The following DSG4 variants were observed in gnomAD, a reference collection of about 807,000 sequenced individuals.
The protein encoded by DSG4 is desmoglein-4.
In DSG4, 87 loss-of-function variants were observed where a neutral mutation model predicts 93.1. That is an observed-to-expected ratio of 0.93 (90% CI 0.79 to 1.12). DSG4 has a LOEUF of 1.12. Among genes scored for constraint, DSG4 ranks in the 50% most tolerant of loss-of-function variants. The pLI, the probability that DSG4 is intolerant of heterozygous loss-of-function variation, is 0.00. For missense variants in DSG4, 1,373 were observed against 1,285.7 expected (o/e 1.07, Z -1.04); for synonymous variants, 432 against 452.9 (o/e 0.95, Z 0.59).
rs759732499 is a variant in DSG4 at position 31,406,417 on chromosome 18, T to C, written c.1933+44T>C. The C allele has an allele frequency of 5.6e-6, 9 of 1,612,124 alleles. No homozygotes were observed. The Admixed American group carries it at 1.5e-4, about 27-fold the overall frequency. ...CCTTCTTTTCAATAGTTCTTCAAAA[T>C]AGGGCTGTTACGAGGCTCGCTGGGA... On this transcript the variant is annotated intron_variant, in intron 12 of 15. Coordinates refer to ENST00000308128, the MANE Select transcript of DSG4 (RefSeq NM_177986.5).
chr18:31,392,420 C>A (rs2072260555), intron 8 of DSG4, 80 bp downstream of exon 8: 3 of 1,465,342 alleles, frequency 2.0e-6, no homozygotes, highest in Middle Eastern at 1.9e-4. Flanking sequence ...GAGACAGAAT[C>A]TGCCTTTAAA....
intron 9 of DSG4, among the ~76,000 whole-genome samples, chr18:31,399,768 G>A (rs1257320451): frequency 6.6e-6 from 1 of 152,208 alleles, no homozygotes; most frequent in Non-Finnish European, 1.5e-5. Context: ...TGTGTCCAGT[G>A]AGTAATTGTA....
chr18:31,406,307 G>A lies in DSG4; in HGVS notation c.1867G>A (p.Val623Ile), dbSNP rs895444838. The A allele has an allele frequency of 6.2e-7, 1 of 1,614,230 alleles. No homozygotes were observed. The highest frequency in any genetic ancestry group is 1.7e-5 in the Admixed American group (1 of 60,024). The part of the protein sequence containing the change: ...YGPVTEDQAG[V>I]SNVGLGPAGI... ...GCCTGTCACTGAAGACCAAGCTGGA[G>A]TTTCAAATGTTGGTCTTGGACCAGC... Residue 623 changes from valine to isoleucine, a missense_variant, in exon 12 of 16, where the codon GTT (valine) becomes ATT (isoleucine). Transcript: ENST00000308128.
chr18:31,394,706 T>C, intron 8 of DSG4, among the ~76,000 whole-genome samples: 1 of 148,456 alleles, frequency 6.7e-6, no homozygotes, highest in Admixed American at 6.7e-5. Context: ...GGAATGGGTA[T>C]AGGAGACATT....
chr18:31,391,669 A>AAC (rs922636810), intron 7 of DSG4, among the ~76,000 whole-genome samples: 1 of 151,746 alleles, frequency 6.6e-6, no homozygotes, highest in African/African-American at 2.4e-5. Context: ...GGTTTAAAAA[A>AAC]AAAAACAAAA....
At chr18:31,403,141 G>A (rs1371992293) in intron 10 of DSG4, among the ~76,000 whole-genome samples, 3 of 152,144 alleles carry the variant, frequency 2.0e-5, no homozygotes, top group African/African-American at 7.2e-5. Context: ...AAAATGAAAT[G>A]AGGGTGGAAA....
Position 31,399,304 on chromosome 18 carries a change from G to A in DSG4, c.1038G>A (p.Gln346=). ...MLDYEQAPNI[Q]LSIGVKNQAD... is the part of the protein sequence containing the mutation. ...ATTATGAACAAGCACCTAACATTCAGCTTAGTATCGGAGTTAAAAACCAAG... is the reference window on the plus strand; with the variant it reads ...ATTATGAACAAGCACCTAACATTCAACTTAGTATCGGAGTTAAAAACCAAG... Residue 346 remains glutamine, a synonymous_variant, in exon 9 of 16, where the codon CAG becomes CAA. Transcript: ENST00000308128. The A allele has an allele frequency of 6.2e-7, 1 of 1,613,918 alleles. No individual in the cohort carries two copies. Among genetic ancestry groups the A allele is most frequent in the East Asian group, 2.2e-5 (1 of 44,868 alleles).
chr18:31,405,373 A>G (rs577410867), intron 11 of DSG4, among the ~76,000 whole-genome samples: 1 of 152,300 alleles, frequency 6.6e-6, no homozygotes, highest in South Asian at 2.1e-4. Context: ...TATTGTGTAA[A>G]CTGTAATCCT....
intron 14 of DSG4, chr18:31,410,984 G>A (rs945080621): frequency 2.7e-6 from 3 of 1,121,318 alleles, no homozygotes; most frequent in Non-Finnish European, 3.7e-6. Flanking sequence ...TTAAGTCTAG[G>A]GCGAAGTCTG....
At chr18:31,409,072 A>T (rs2072456982) in intron 12 of DSG4, among the ~76,000 whole-genome samples, 1 of 152,204 alleles carries the variant, frequency 6.6e-6, no homozygotes, top group South Asian at 2.1e-4. Flanking sequence ...CTATAGCTGA[A>T]TCCTGTATTC....
At chr18:31,389,130 T>C (rs1422882548) in intron 5 of DSG4, 112 bp downstream of exon 5, 2 of 1,188,790 alleles carry the variant, frequency 1.7e-6, no homozygotes, top group Admixed American at 1.9e-5. Flanking sequence ...GCCACACTTG[T>C]ATTTTGAATA....
intron 3 of DSG4, 118 bp downstream of exon 3, chr18:31,386,937 A>G (rs886494573): frequency 6.6e-7 from 1 of 1,519,964 alleles, no homozygotes; most frequent in Non-Finnish European, 9.0e-7. Context: ...GAATGTGGTC[A>G]TTTGCTCCAG....
chr18:31,408,259 GT>G (rs2072449311), intron 12 of DSG4, among the ~76,000 whole-genome samples: 1 of 152,218 alleles, frequency 6.6e-6, no homozygotes, highest in Admixed American at 6.5e-5. Flanking sequence ...TATTGGGTAT[GT>G]GCTAAAAACA....
intron 14 of DSG4, chr18:31,410,985 G>T: frequency 1.8e-6 from 2 of 1,130,724 alleles, no homozygotes; most frequent in Non-Finnish European, 2.5e-6. Context: ...TAAGTCTAGG[G>T]CGAAGTCTGT....
intron 1 of DSG4, 110 bp downstream of exon 1, chr18:31,377,069 A>AGG: frequency 1.7e-6 from 2 of 1,208,968 alleles, no homozygotes; most frequent in Non-Finnish European, 2.4e-6. Flanking sequence ...TCCTTCCTGC[A>AGG]AAGAGAGTTC....
At chr18:31,406,466 C>T (rs2072428917) in intron 12 of DSG4, 93 bp downstream of exon 12, 2 of 1,508,466 alleles carry the variant, frequency 1.3e-6, no homozygotes, top group African/African-American at 1.4e-5. Flanking sequence ...GGAGCCATTT[C>T]TTTTTGGTAT....
chr18:31,399,190 T>G (rs2072336803), intron 8 of DSG4, 82 bp from the exon 9 acceptor site: 1 of 1,566,172 alleles, frequency 6.4e-7, no homozygotes, highest in African/African-American at 1.4e-5. Context: ...TTCTAGTGTG[T>G]GGTTTGCTTT....
intron 10 of DSG4, among the ~76,000 whole-genome samples, chr18:31,402,159 A>AC (rs2072375069): frequency 1.3e-5 from 2 of 152,336 alleles, no homozygotes; most frequent in South Asian, 4.1e-4. Context: ...GTACCAAGAG[A>AC]AACCCAGAAA....
chr18:31,406,239 C>T lies in DSG4; in HGVS notation c.1799C>T (p.Ala600Val). The T allele has an allele frequency of 6.2e-7, 1 of 1,614,140 alleles. No individual in the cohort carries two copies. The highest frequency in any genetic ancestry group is 8.5e-7 in the Non-Finnish European group (1 of 1,180,042). Residue 600 changes from alanine (A) to valine (V), a missense_variant, in exon 12 of 16, where the codon GCC (alanine) becomes GTC (valine). By Grantham distance (64) the Ala-to-Val change is moderately conservative (BLOSUM62 0). Coordinates refer to ENST00000308128, the MANE Select transcript of DSG4 (RefSeq NM_177986.5). ...DDNHMCLDSG[A>V]AGIYTEDITG... ...AACCACATGTGCCTGGACTCTGGTG[C>T]CGCGGGCATCTACACAGAGGACATA...
Sources: allele counts gnomAD v4.1 joint callset (sites outside exome capture counted in the v4.1 genomes callset), GRCh38; gene constraint gnomAD v4.1.1; transcripts MANE v1.5; gene names NCBI Gene and HGNC (gene_info 2026-07-23, HGNC 2026-07-21).